The following CFAP74 variants were observed in gnomAD, a reference collection of about 807,000 sequenced individuals.
CFAP74 encodes the protein cilia and flagella associated protein 74, also known as cilia- and flagella-associated protein 74.
A neutral mutation model predicts 188.9 loss-of-function variants in CFAP74; 124 were observed. The ratio of observed to expected loss-of-function variants is 0.66; its 90% CI spans 0.57 to 0.76. The LOEUF (loss-of-function observed/expected upper bound fraction) is 0.76, where lower values mean the gene tolerates loss of function less well. Among genes scored for constraint, CFAP74 ranks in the 30% least tolerant of loss-of-function variants. The probability of loss-of-function intolerance (pLI) is 0.00; values close to 1 mark genes in which losing one functional copy is unlikely to be tolerated. For synonymous variants in CFAP74, 956 were observed against 916.7 expected (o/e 1.04, Z -0.77); for missense variants, 2,198 against 2,165.2 (o/e 1.02, Z -0.30).
intron 20 of CFAP74, among the ~76,000 whole-genome samples, chr1:1,946,047 G>A (rs1353426641): frequency 6.6e-5 from 10 of 152,030 alleles, no homozygotes; most frequent in East Asian, 3.9e-4. Context: ...TGGGCTCTGC[G>A]TGTGTGCATG....
chr1:1,972,919 G>A lies in CFAP74; in HGVS notation c.785+18C>T, dbSNP rs568443434. 7.8e-6 allele frequency: 12 copies of A among 1,543,460 alleles called. No homozygotes were observed. The highest frequency in any genetic ancestry group is 5.6e-5 in the South Asian group (5 of 89,672). On this transcript the variant is annotated intron_variant, in intron 8 of 38. Coordinates refer to ENST00000682832, the MANE Select transcript of CFAP74 (RefSeq NM_001304360.2). ...TATTCTTGGGTTTCTCCTTAAGGACGTCGAAGGGAGGCCCTACCTTCCCAG... is the reference window on the plus strand; with the variant it reads ...TATTCTTGGGTTTCTCCTTAAGGACATCGAAGGGAGGCCCTACCTTCCCAG...
intron 25 of CFAP74, among the ~76,000 whole-genome samples, chr1:1,935,327 C>T (rs1204576197): frequency 4.3e-5 from 4 of 92,074 alleles, no homozygotes; most frequent in African/African-American, 1.6e-4. Flanking sequence ...TGTAGGTACA[C>T]AGGTGTGTAC....
In CFAP74 at chr1:1,923,415, C is replaced by T. The variant is rs139400559; in HGVS notation, c.4474G>A (p.Val1492Met). The change falls in exon 36 of 39, where the codon GTG becomes ATG. Residue 1492 changes from valine (V) to methionine (M), a missense_variant. Transcript: ENST00000682832. This position sits in a 1 kb window ranked among gnomAD's most constrained non-coding sequence, Gnocchi z 6.3. Reference sequence around the variant, plus strand: ...ACAGGGATCGCTGTCAGAGACTCCACGGGCACGTCCAGGGGGTCGCCGCCC... The same window carrying T: ...ACAGGGATCGCTGTCAGAGACTCCATGGGCACGTCCAGGGGGTCGCCGCCC... Reference protein sequence around the residue: ...VEGGDPLDVPVESLTAIPVFD... With the variant: ...VEGGDPLDVPMESLTAIPVFD... 1.2e-4 allele frequency: 197 copies of T among 1,599,438 alleles called. No homozygotes were observed. Among genetic ancestry groups the T allele is most frequent in the African/African-American group, 5.9e-4 (44 of 74,924 alleles).
In CFAP74 at chr1:1,966,448, C is replaced by T. The variant is rs772833233; in HGVS notation, c.1324G>A (p.Gly442Arg). The stretch of plus-strand genomic sequence containing the variant: ...AACGTTTCCTCCTCTGAGCTGGCCC[C>T]GGGGTCCCCCTGGATAAGCTCACTG... ...VSSELIQGDP[G>R]ASSEEETLAE... The change falls in exon 12 of 39, where the codon GGG (glycine) becomes AGG (arginine). Residue 442 changes from glycine (G) to arginine (R), a missense_variant. By Grantham distance (125) the Gly-to-Arg change is moderately radical. Coordinates refer to ENST00000682832, the MANE Select transcript of CFAP74 (RefSeq NM_001304360.2). The T allele has an allele frequency of 8.7e-6, 14 of 1,605,778 alleles. No homozygotes were observed. Among genetic ancestry groups the T allele is most frequent in the Middle Eastern group, 1.7e-4 (1 of 6,052 alleles).
At chr1:1,988,416 G>T in intron 4 of CFAP74, 96 bp downstream of exon 4, 1 of 1,491,042 alleles carries the variant, frequency 6.7e-7, no homozygotes, top group Non-Finnish European at 9.1e-7. Flanking sequence ...CAGGCCCTCA[G>T]GGTGACGACA....
Position 1,923,136 on chromosome 1 carries a change from C to A in CFAP74, c.4532G>T (p.Arg1511Leu), listed in dbSNP as rs137997736. The change falls in exon 37 of 39, where the codon CGG (arginine) becomes CTG (leucine). Residue 1511 changes from arginine to leucine, a missense_variant. Transcript: ENST00000682832. The surrounding 1 kb of genome is among the most constrained non-coding windows in gnomAD (Gnocchi z 6.3). ...AGCTTCTGGAGAGAGAGGGCCTGGCCGGGAGCTGGCTGGAGGGGTGTGGCC... is the reference window on the plus strand; with the variant it reads ...AGCTTCTGGAGAGAGAGGGCCTGGCAGGGAGCTGGCTGGAGGGGTGTGGCC... ...FDPRHREASS[R>L]PGPLSPEAEE... 9.3e-6 allele frequency: 15 copies of A among 1,608,052 alleles called. No homozygotes were observed. Among genetic ancestry groups the A allele is most frequent in the Admixed American group, 1.7e-5 (1 of 58,464 alleles).
intron 1 of CFAP74, among the ~76,000 whole-genome samples, chr1:1,998,718 C>CAA (rs34150558): frequency 2.7e-5 from 4 of 149,880 alleles, no homozygotes; most frequent in South Asian, 2.1e-4. Flanking sequence ...ACTAAAAATA[C>CAA]AAAAAAAAAT....
intron 1 of CFAP74, among the ~76,000 whole-genome samples, chr1:1,991,876 A>G (rs899568655): frequency 4.7e-5 from 7 of 149,906 alleles, no homozygotes; most frequent in Non-Finnish European, 1.0e-4. Context: ...CATCTCTACT[A>G]AAAAACAGAA....
In CFAP74 at chr1:1,955,560, T is replaced by A. The variant is rs1317091008; in HGVS notation, c.2176+131A>T. ...ATAAGAATATTTTCTTGCTTAACCG[T>A]CACTTAACATCGAAGGCCTAGGAAA... On this transcript the variant is annotated intron_variant, in intron 18 of 38. Coordinates refer to ENST00000682832, the MANE Select transcript of CFAP74 (RefSeq NM_001304360.2). 3.1e-6 allele frequency: 5 copies of A among 1,611,486 alleles called. No individual in the cohort carries two copies. In the African/African-American group the frequency reaches 6.7e-5, roughly 22 times the overall value.
intron 1 of CFAP74, among the ~76,000 whole-genome samples, chr1:1,997,484 A>C (rs1422126199): frequency 6.6e-6 from 1 of 152,150 alleles, no homozygotes; most frequent in Non-Finnish European, 1.5e-5. Flanking sequence ...TCATTATTTC[A>C]GATAAAATGA....
chr1:1,959,707 C>T (rs920684245), intron 15 of CFAP74, among the ~76,000 whole-genome samples: 7 of 152,196 alleles, frequency 4.6e-5, no homozygotes, highest in Non-Finnish European at 1.0e-4. Flanking sequence ...CTGGAACATC[C>T]CAGCCCTCCC....
intron 19 of CFAP74, among the ~76,000 whole-genome samples, chr1:1,946,788 G>A (rs943867357): frequency 2.0e-5 from 3 of 152,240 alleles, no homozygotes; most frequent in African/African-American, 7.2e-5. Flanking sequence ...CTGCACAGCC[G>A]GAGGCGGTGG....
In CFAP74 at chr1:1,968,766, C is replaced by T; in HGVS notation, c.1114G>A (p.Glu372Lys). The T allele has an allele frequency of 6.2e-7, 1 of 1,614,130 alleles. No individual in the cohort carries two copies. The highest frequency in any genetic ancestry group is 8.5e-7 in the Non-Finnish European group (1 of 1,179,992). Reference sequence around the variant, plus strand: ...TGCTGTTTCTTCCTCTTTTCCTCCTCAGCCTCCTCTTTCAGAATCCGACTG... The same window carrying T: ...TGCTGTTTCTTCCTCTTTTCCTCCTTAGCCTCCTCTTTCAGAATCCGACTG... Reference protein sequence around the residue: ...IISRILKEEAEEEKRKKQHPP... With the variant: ...IISRILKEEAKEEKRKKQHPP... The change falls in exon 11 of 39, where the codon GAG becomes AAG. Residue 372 changes from glutamate (E) to lysine (K), a missense_variant. Coordinates refer to ENST00000682832, the MANE Select transcript of CFAP74 (RefSeq NM_001304360.2). The surrounding 1 kb of genome is among the most constrained non-coding windows in gnomAD (Gnocchi z 4.3).
intron 6 of CFAP74, among the ~76,000 whole-genome samples, chr1:1,982,558 T>C (rs1300288806): frequency 2.0e-5 from 3 of 152,274 alleles, no homozygotes; most frequent in South Asian, 2.1e-4. Flanking sequence ...AGACCAGAGG[T>C]TGCCTGGTGG....
Position 1,974,072 on chromosome 1 carries a change from C to G in CFAP74, c.627G>C (p.Glu209Asp). ...GCTCCACCTTCCCCAGGGCCTCCTG[C>G]TCTCTGCAGAGCTGCTCGGCTGCGC... ...QVRAAEQLCR[E>D]QEALGKVERN... The change falls in exon 7 of 39, where the codon GAG becomes GAC. Residue 209 changes from glutamate to aspartate, a missense_variant. Physicochemically the swap from Glu to Asp is conservative, Grantham distance 45 (BLOSUM62 2). Transcript: ENST00000682832. 3 of 1,607,326 alleles carry G rather than the reference C, an allele frequency of 1.9e-6. No homozygotes were observed. The highest frequency in any genetic ancestry group is 2.6e-6 in the Non-Finnish European group (3 of 1,175,970).
At chr1:1,999,758 A>C (rs1658103637) in intron 1 of CFAP74, among the ~76,000 whole-genome samples, 1 of 152,020 alleles carries the variant, frequency 6.6e-6, no homozygotes, top group Non-Finnish European at 1.5e-5. Flanking sequence ...AGGAGGTTGC[A>C]GTGAGCCAAG....
Position 1,985,016 on chromosome 1 carries a change from C to T in CFAP74, c.500+370G>A, listed in dbSNP as rs537541023. The T allele has an allele frequency of 1.4e-3, 267 of 194,458 alleles. 1 individual carries two copies. Among genetic ancestry groups the T allele is most frequent in the Non-Finnish European group, 2.4e-3 (227 of 93,050 alleles). 12.0% of individuals were successfully genotyped at this position (194,458 alleles called of 1,614,324 possible). A position where few individuals can be genotyped will look rare whatever the true frequency, so the allele number is the denominator to read the frequency against. ...CCAAACCCCTTCTTGCCAAACTCGC[C>T]GAAGGCAACTCGACGCATCCAACCC... is the stretch of plus-strand genomic sequence containing the variant. On this transcript the variant is annotated intron_variant, in intron 6 of 38. Transcript: ENST00000682832.
At chr1:1,985,561 G>GGAT in intron 5 of CFAP74, 71 bp from the exon 6 acceptor site, 1 of 1,188,400 alleles carries the variant, frequency 8.4e-7, no homozygotes, top group Non-Finnish European at 1.2e-6. Flanking sequence ...AGGTTCACCT[G>GGAT]GCACTCCCTG....
At chr1:1,931,491 C>T (rs571617193) in intron 25 of CFAP74, among the ~76,000 whole-genome samples, 2 of 141,740 alleles carry the variant, frequency 1.4e-5, no homozygotes, top group East Asian at 2.1e-4. Context: ...AATCCCAACA[C>T]TTTAGGAGTC....
Sources: gnomAD v4.1 joint callset for allele counts (sites outside exome capture counted in the v4.1 genomes callset) on GRCh38, gnomAD v4.1.1 for gene constraint, Gnocchi (gnomAD v3.1) non-coding constraint, MANE v1.5 for transcripts, NCBI Gene and HGNC (gene_info 2026-07-23, HGNC 2026-07-21) for gene names.